The following MAST4 variants were observed in gnomAD, a reference collection of about 807,000 sequenced individuals.
MAST4 encodes the protein microtubule-associated serine/threonine-protein kinase 4.
MAST4 carries 89 observed loss-of-function variants against 162.7 expected under a neutral mutation model. That is an observed-to-expected ratio of 0.55 (90% CI 0.46 to 0.65). The LOEUF (loss-of-function observed/expected upper bound fraction) is 0.65. Ranked by LOEUF, MAST4 falls within the 30% of genes least tolerant of loss-of-function variation. The pLI is 0.00. For missense variants in MAST4, 3,153 were observed against 3,374.0 expected, an observed-to-expected ratio of 0.93 and a Z score of 1.62; for synonymous variants, 1,479 against 1,361.1, an observed-to-expected ratio of 1.09 and a Z score of -1.91.
intron 1 of MAST4, among the ~76,000 whole-genome samples, chr5:66,610,565 G>A (rs1005315161): frequency 6.6e-5 from 10 of 152,222 alleles, no homozygotes; most frequent in Admixed American, 2.0e-4. Flanking sequence ...CCTGCCCCTT[G>A]GGGTGCAGTG....
At chr5:66,810,583 G>T (rs1010280195) in intron 3 of MAST4, among the ~76,000 whole-genome samples, 1 of 152,182 alleles carries the variant, frequency 6.6e-6, no homozygotes, top group Non-Finnish European at 1.5e-5. Flanking sequence ...AGATGAACAA[G>T]TAAGTAGCCA....
intron 1 of MAST4, among the ~76,000 whole-genome samples, chr5:66,617,069 T>C (rs1289756535): frequency 2.0e-5 from 3 of 152,234 alleles, no homozygotes; most frequent in Non-Finnish European, 4.4e-5. Flanking sequence ...AATGATTTAA[T>C]TGACTGGATT....
intron 3 of MAST4, among the ~76,000 whole-genome samples, chr5:66,869,626 A>G (rs189947755): frequency 1.1e-3 from 174 of 152,310 alleles, no homozygotes; most frequent in African/African-American, 4.0e-3. Flanking sequence ...GGGCAACTCA[A>G]GTGGGTGTGA....
At chr5:66,980,396 T>C (rs1343426439) in intron 4 of MAST4, among the ~76,000 whole-genome samples, 1 of 152,232 alleles carries the variant, frequency 6.6e-6, no homozygotes, top group Non-Finnish European at 1.5e-5. Context: ...AAGATACTTT[T>C]ATGTGGCACT....
chr5:66,868,473 G>T (rs1335748028), intron 3 of MAST4, among the ~76,000 whole-genome samples: 1 of 144,996 alleles, frequency 6.9e-6, no homozygotes, highest in African/African-American at 2.6e-5. Context: ...ATATATATAC[G>T]CAAATAACCA....
chr5:66,687,431 A>G (rs895221267), intron 1 of MAST4, among the ~76,000 whole-genome samples: 2 of 151,520 alleles, frequency 1.3e-5, no homozygotes, highest in Non-Finnish European at 2.9e-5. Context: ...TTATGGCTGC[A>G]TAGTATTCCA....
intron 4 of MAST4, among the ~76,000 whole-genome samples, chr5:66,912,980 A>G (rs6893128): frequency 0.033 from 5,002 of 152,318 alleles, 152 homozygotes; most frequent in African/African-American, 0.076. Context: ...GAGGAATTCA[A>G]AACCACAAAA....
intron 1 of MAST4, among the ~76,000 whole-genome samples, chr5:66,607,969 G>C (rs1479253055): frequency 6.6e-6 from 1 of 151,820 alleles, no homozygotes; most frequent in Middle Eastern, 3.2e-3. Flanking sequence ...TATATTTATG[G>C]TGTACAACAC....
intron 1 of MAST4, among the ~76,000 whole-genome samples, chr5:66,730,854 C>T (rs1158179520): frequency 3.3e-5 from 5 of 151,746 alleles, no homozygotes; most frequent in African/African-American, 9.7e-5. Context: ...TATACCAACC[C>T]CTCCCCCTCC....
At chr5:66,609,570 A>T (rs1421052425) in intron 1 of MAST4, among the ~76,000 whole-genome samples, 3 of 147,908 alleles carry the variant, frequency 2.0e-5, no homozygotes, top group East Asian at 3.9e-4. Context: ...TTTTTTTTTT[A>T]AATACTGGGT....
At chr5:66,598,591 G>A (rs905664132) in intron 1 of MAST4, among the ~76,000 whole-genome samples, 2 of 152,134 alleles carry the variant, frequency 1.3e-5, no homozygotes, top group Non-Finnish European at 2.9e-5. Flanking sequence ...TTCAAGGTGC[G>A]GGGCATGTGC....
intron 4 of MAST4, among the ~76,000 whole-genome samples, chr5:67,039,949 T>C (rs1405989208): frequency 2.2e-4 from 33 of 148,756 alleles, no homozygotes. Flanking sequence ...GAGTTTGCTT[T>C]ATTTTGAGAT....
intron 15 of MAST4, among the ~76,000 whole-genome samples, 182 bp from the exon 16 acceptor site, chr5:67,131,631 T>C (rs1215915452): frequency 2.6e-5 from 4 of 152,178 alleles, no homozygotes; most frequent in African/African-American, 9.7e-5. Context: ...TAAAAATCTG[T>C]ATTTTCTCCA....
intron 3 of MAST4, among the ~76,000 whole-genome samples, chr5:66,836,433 TC>T (rs1757974167): frequency 6.6e-6 from 1 of 152,122 alleles, no homozygotes; most frequent in South Asian, 2.1e-4. Flanking sequence ...ACCCAGCAAT[TC>T]CATTATTTGG....
intron 4 of MAST4, among the ~76,000 whole-genome samples, chr5:66,941,266 G>A (rs1371862836): frequency 6.6e-6 from 1 of 152,090 alleles, no homozygotes; most frequent in African/African-American, 2.4e-5. Flanking sequence ...TTGAAGTCAG[G>A]CATTGACTTC....
In MAST4 at chr5:67,002,500, A is replaced by T. The variant is rs142915857; in HGVS notation, c.675-51904A>T. Among the ~76,000 whole-genome samples, 7 of 152,326 alleles carry T rather than the reference A, an allele frequency of 4.6e-5. No individual in the cohort carries two copies. In the South Asian group the frequency reaches 1.5e-3, roughly 32 times the overall value. On this transcript the variant is annotated intron_variant, in intron 4 of 28. Transcript: ENST00000403625. The stretch of plus-strand genomic sequence containing the variant: ...TTGGAAAGACAGCAGTAAACAGTCA[A>T]TTATACACAGTGTGATCAGCAGCCT...
chr5:66,959,175 C>T, intron 4 of MAST4: 3 of 778,090 alleles, frequency 3.9e-6, no homozygotes, highest in Non-Finnish European at 7.2e-6. Flanking sequence ...CGGTTTGGCT[C>T]TCTGTCATCA....
chr5:66,608,355 C>CTTTTTTTTTTTTTTTTTTTTTTTTTTT (rs72272071), intron 1 of MAST4, among the ~76,000 whole-genome samples: 1 of 44,392 alleles, frequency 2.3e-5, no homozygotes, highest in African/African-American at 9.4e-5. Context: ...TGTGCCTGGC[C>CTTTTTTTTTTTTTTTTTTTTTTTTTTT]TTTTTTTTTT....
chr5:66,797,046 A>T (rs528946892), intron 3 of MAST4, among the ~76,000 whole-genome samples: 2 of 152,358 alleles, frequency 1.3e-5, no homozygotes, highest in Admixed American at 1.3e-4. Flanking sequence ...ATAATGTGGC[A>T]AAGTAGTGAC....
Sources: allele counts gnomAD v4.1 joint callset (sites outside exome capture counted in the v4.1 genomes callset), GRCh38; gene constraint gnomAD v4.1.1; transcripts MANE v1.5; gene names NCBI Gene and HGNC (gene_info 2026-07-23, HGNC 2026-07-21).